RUSF1: variants seen among roughly 807,000 people sequenced by gnomAD.
The protein encoded by RUSF1 is RUS family member 1, also known as RUS1 family protein C16orf58.
A neutral mutation model predicts 63.0 loss-of-function variants in RUSF1; 58 were observed. The ratio of observed to expected loss-of-function variants is 0.92; its 90% CI spans 0.75 to 1.15. The LOEUF is 1.15. RUSF1 is among the 50% of genes most tolerant of loss of function. RUSF1 has a pLI of 0.00. For missense variants in RUSF1, 652 were observed against 611.0 expected (o/e 1.07, Z -0.71); for synonymous variants, 274 against 255.8 (o/e 1.07, Z -0.68).
chr16:31,500,611 G>C, intron 3 of RUSF1, 75 bp downstream of exon 3: 1 of 1,518,138 alleles, frequency 6.6e-7, no homozygotes, highest in Non-Finnish European at 9.0e-7. Flanking sequence ...CACAATTAAT[G>C]GCAATACTAT....
At chr16:31,497,243 T>C (rs1824126686) in intron 5 of RUSF1, among the ~76,000 whole-genome samples, 1 of 152,010 alleles carries the variant, frequency 6.6e-6, no homozygotes, top group South Asian at 2.1e-4. Context: ...CAGCTCCTGC[T>C]TGGGCTATAC....
Position 31,493,611 on chromosome 16 carries a change from A to G in RUSF1, c.950T>C (p.Leu317Pro). The change falls in exon 8 of 13, where the codon CTG (leucine) becomes CCG (proline). Residue 317 changes from leucine to proline, a missense_variant. Coordinates refer to ENST00000327237, the MANE Select transcript of RUSF1 (RefSeq NM_022744.4). Reference sequence around the variant, plus strand: ...ACCAGGGGCAGGGTCACCTGTCCACAGCGGCTCCATGCGATTGGCTGCAGT... The same window carrying G: ...ACCAGGGGCAGGGTCACCTGTCCACGGCGGCTCCATGCGATTGGCTGCAGT... ...DPTAANRMEP[L>P]WTGFWPAPSL... 6.2e-7 allele frequency: 1 copy of G among 1,614,198 alleles called. No individual in the cohort carries two copies. Among genetic ancestry groups the G allele is most frequent in the Non-Finnish European group, 8.5e-7 (1 of 1,180,030 alleles).
rs1468130805 is a variant in RUSF1 at position 31,508,309 on chromosome 16, C to T, written c.65G>A (p.Arg22Gln). The T allele has an allele frequency of 3.8e-6, 6 of 1,577,206 alleles. No homozygotes were observed. The highest frequency in any genetic ancestry group is 5.1e-6 in the Non-Finnish European group (6 of 1,165,110). ...CSEQFGSGEA[R>Q]GCRAAADGSL... ...CCCGTCCGCGGCGGCGCGGCAGCCC[C>T]GTGCCTCCCCGGAGCCGAACTGCTC... is the stretch of plus-strand genomic sequence containing the variant. Residue 22 changes from arginine to glutamine, a missense_variant, in exon 1 of 13, where the codon CGG becomes CAG. Arg to Gln is a conservative substitution (Grantham distance 43, BLOSUM62 1). Coordinates refer to ENST00000327237, the MANE Select transcript of RUSF1 (RefSeq NM_022744.4).
intron 10 of RUSF1, among the ~76,000 whole-genome samples, 189 bp from the exon 11 acceptor site, chr16:31,492,529 A>T (rs1229546204): frequency 6.6e-6 from 1 of 152,076 alleles, no homozygotes; most frequent in Non-Finnish European, 1.5e-5. Flanking sequence ...CCAATTTCCA[A>T]ATACAATTTC....
At chr16:31,493,089 A>G (rs753366513) in intron 9 of RUSF1, 41 bp from the exon 10 acceptor site, 3 of 1,596,224 alleles carry the variant, frequency 1.9e-6, no homozygotes, top group East Asian at 2.2e-5. Flanking sequence ...GGAGGACAGC[A>G]AAGGCAGGCA....
chr16:31,501,470 C>T (rs189417180), intron 2 of RUSF1, among the ~76,000 whole-genome samples: 48 of 152,072 alleles, frequency 3.2e-4, no homozygotes, highest in Non-Finnish European at 6.5e-4. Context: ...TGGTGGCATG[C>T]CTGTAGTCCC....
In RUSF1 at chr16:31,496,823, G is replaced by A. The variant is rs747217674; in HGVS notation, c.702+26C>T. 1.1e-5 allele frequency: 17 copies of A among 1,529,454 alleles called. No homozygotes were observed. The African/African-American group carries it at 1.4e-4, about 12-fold the overall frequency. The allele number at this position is 1,529,454 out of a possible 1,614,324, so 94.7% of individuals were successfully genotyped here. A position where few individuals can be genotyped will look rare whatever the true frequency, so the allele number is the denominator to read the frequency against. On this transcript the variant is annotated intron_variant, in intron 6 of 12. Coordinates refer to ENST00000327237, the MANE Select transcript of RUSF1 (RefSeq NM_022744.4). ...TCTCCCCTTCCCCTCCCCACTCCACGCCCTCCCTCCAGCTCTGGCACTCAC... is the reference window on the plus strand; with the variant it reads ...TCTCCCCTTCCCCTCCCCACTCCACACCCTCCCTCCAGCTCTGGCACTCAC...
chr16:31,490,272 T>A lies in RUSF1; in HGVS notation c.*563A>T, dbSNP rs780719227. 6.2e-7 allele frequency: 1 copy of A among 1,613,790 alleles called. No homozygotes were observed. The highest frequency in any genetic ancestry group is 1.1e-5 in the South Asian group (1 of 91,056). ...GGAGGTGGGGCTGGAGGAGCTGAGT[T>A]CCCGCAAACTAACTGCAGGGCCTCA... is the stretch of plus-strand genomic sequence containing the variant. On this transcript the variant is annotated 3_prime_UTR_variant, in exon 13 of 13. Transcript: ENST00000327237.
chr16:31,505,444 T>C (rs968874549), intron 2 of RUSF1, among the ~76,000 whole-genome samples: 3 of 152,090 alleles, frequency 2.0e-5, no homozygotes, highest in Non-Finnish European at 4.4e-5. Context: ...CCACTGTTCT[T>C]TCTCTATACT....
Position 31,490,571 on chromosome 16 carries a change from A to T in RUSF1, c.*264T>A. 6.5e-7 allele frequency: 1 copy of T among 1,529,136 alleles called. No homozygotes were observed. Among genetic ancestry groups the T allele is most frequent in the Non-Finnish European group, 9.0e-7 (1 of 1,113,204 alleles). The allele number at this position is 1,529,136 out of a possible 1,614,324, so 94.7% of individuals were successfully genotyped here. ...GTTGGACACCATAAGCCACAGCCTC[A>T]CAGGAAGTGGGGGTGAGGAGCCTGC... On this transcript the variant is annotated 3_prime_UTR_variant, in exon 13 of 13. Transcript: ENST00000327237.
At chr16:31,491,555 A>G (rs1382722159) in intron 12 of RUSF1, among the ~76,000 whole-genome samples, 1 of 150,238 alleles carries the variant, frequency 6.7e-6, no homozygotes, top group African/African-American at 2.5e-5. Context: ...GAGCTCAAGT[A>G]TCTGCCCGCC....
chr16:31,491,749 C>G (rs1211275497), intron 12 of RUSF1, among the ~76,000 whole-genome samples: 2 of 151,632 alleles, frequency 1.3e-5, no homozygotes, highest in African/African-American at 4.9e-5. Context: ...GTAGCTGCAA[C>G]CACAAGAGCA....
chr16:31,496,826 C>T (rs911060968), intron 6 of RUSF1, 23 bp downstream of exon 6: 1 of 1,541,768 alleles, frequency 6.5e-7, no homozygotes, highest in African/African-American at 1.4e-5. Flanking sequence ...ACTCCACGCC[C>T]TCCCTCCAGC....
chr16:31,492,488 C>A, intron 10 of RUSF1, 148 bp from the exon 11 acceptor site: 1 of 934,744 alleles, frequency 1.1e-6, no homozygotes, highest in South Asian at 2.5e-5. Flanking sequence ...AATTCATCTC[C>A]TGTTGCTCCC....
chr16:31,507,981 CCG>C, intron 1 of RUSF1, 91 bp downstream of exon 1: 1 of 1,538,280 alleles, frequency 6.5e-7, no homozygotes, highest in Non-Finnish European at 8.8e-7. Flanking sequence ...GTCAGACCCC[CCG>C]CCCCCCGGGC....
intron 10 of RUSF1, 35 bp downstream of exon 10, chr16:31,492,943 G>A (rs1948526552): frequency 6.3e-7 from 1 of 1,577,840 alleles, no homozygotes; most frequent in Non-Finnish European, 8.6e-7. Context: ...ACCTGGGAGG[G>A]TGCGTCTTAG....
Position 31,490,455 on chromosome 16 carries a change from C to T in RUSF1, c.*380G>A, listed in dbSNP as rs763978448. On this transcript the variant is annotated 3_prime_UTR_variant, in exon 13 of 13. Coordinates refer to ENST00000327237, the MANE Select transcript of RUSF1 (RefSeq NM_022744.4). Reference sequence around the variant, plus strand: ...GCGGCTGGAGGACATCAGCGAGGACCCGAGCTGGGCCCGTGTGGTCAACCT... The same window carrying T: ...GCGGCTGGAGGACATCAGCGAGGACTCGAGCTGGGCCCGTGTGGTCAACCT... 2.5e-6 allele frequency: 4 copies of T among 1,614,014 alleles called. No homozygotes were observed. The highest frequency in any genetic ancestry group is 2.2e-5 in the South Asian group (2 of 91,034).
intron 7 of RUSF1, 29 bp from the exon 8 acceptor site, chr16:31,493,816 T>C (rs1456944212): frequency 3.1e-6 from 5 of 1,614,122 alleles, no homozygotes; most frequent in African/African-American, 1.3e-5. Flanking sequence ...GTAGCTGAAG[T>C]GGGCAGAGGC....
chr16:31,491,932 G>C (rs2082571417), intron 12 of RUSF1, 77 bp downstream of exon 12: 1 of 1,449,158 alleles, frequency 6.9e-7, no homozygotes, highest in Non-Finnish European at 9.6e-7. Flanking sequence ...TCAGGTGAAA[G>C]GGTGGGAGTG....
Sources: gnomAD v4.1 joint callset for allele counts (sites outside exome capture counted in the v4.1 genomes callset) on GRCh38, gnomAD v4.1.1 for gene constraint, MANE v1.5 for transcripts, NCBI Gene and HGNC (gene_info 2026-07-23, HGNC 2026-07-21) for gene names.